YEATS2: variants seen among roughly 807,000 people sequenced by gnomAD.
The protein encoded by YEATS2 is YEATS domain-containing protein 2.
Under a neutral mutation model 163.2 loss-of-function variants are expected in YEATS2, and 77 were observed. The ratio of observed to expected loss-of-function variants is 0.47; its 90% confidence interval spans 0.39 to 0.57. The LOEUF (loss-of-function observed/expected upper bound fraction) is 0.57. YEATS2 is among the 20% of genes least tolerant of loss of function. The pLI is 0.00. For synonymous variants in YEATS2, 631 were observed against 645.1 expected, an observed-to-expected ratio of 0.98 and a Z score of 0.33; for missense variants, 1,549 against 1,729.8, an observed-to-expected ratio of 0.90 and a Z score of 1.85.
chr3:183,720,988 A>C (rs979496864), intron 4 of YEATS2, among the ~76,000 whole-genome samples: 1 of 152,144 alleles, frequency 6.6e-6, no homozygotes, highest in East Asian at 1.9e-4. Context: ...GGAGGACTTC[A>C]TTGACTTCAC....
At position 183,786,128 on chromosome 3, in the gene YEATS2, G is replaced by A; in HGVS notation, c.2740G>A (p.Ala914Thr). 1 of 1,611,976 alleles carries A rather than the reference G, an allele frequency of 6.2e-7. No homozygotes were observed. Among genetic ancestry groups the A allele is most frequent in the Non-Finnish European group, 8.5e-7 (1 of 1,178,256 alleles). The change falls in exon 20 of 31, where the codon GCC becomes ACC. Residue 914 changes from alanine (A) to threonine (T), a missense_variant. Ala to Thr is a moderately conservative substitution (Grantham distance 58, BLOSUM62 0). Coordinates refer to ENST00000305135, the MANE Select transcript of YEATS2 (RefSeq NM_018023.5). ...TCTGCCCATCTTGTTTCTGCAGGCA[G>A]CCCATGGAGGACAGGCATCTCTAAT... ...GQKTTLFTQA[A>T]HGGQASLMKI...
chr3:183,704,150 CAAA>C (rs58466117), intron 1 of YEATS2, among the ~76,000 whole-genome samples: 1 of 95,424 alleles, frequency 1.0e-5, no homozygotes. Flanking sequence ...GACTCCATCT[CAAA>C]AAAAAAAAAA....
At chr3:183,714,432 G>T (rs1414793360) in intron 1 of YEATS2, among the ~76,000 whole-genome samples, 1 of 151,224 alleles carries the variant, frequency 6.6e-6, no homozygotes. Flanking sequence ...TCCTGACCTC[G>T]TGATCCGCCC....
intron 15 of YEATS2, among the ~76,000 whole-genome samples, chr3:183,764,749 G>A (rs897496549): frequency 2.6e-5 from 4 of 152,220 alleles, no homozygotes; most frequent in African/African-American, 9.6e-5. Flanking sequence ...AGAGGTTGCA[G>A]TGAGACGAGA....
intron 9 of YEATS2, among the ~76,000 whole-genome samples, chr3:183,748,794 C>T (rs951556601): frequency 1.3e-5 from 2 of 151,892 alleles, no homozygotes; most frequent in Admixed American, 6.6e-5. Flanking sequence ...GAGACAGTGT[C>T]TTACTATGTT....
chr3:183,706,036 CAA>C (rs397876299), intron 1 of YEATS2, among the ~76,000 whole-genome samples: 15 of 112,346 alleles, frequency 1.3e-4, no homozygotes, highest in Admixed American at 3.7e-4. Flanking sequence ...AAGACTGTTT[CAA>C]AAAAAAAAAA....
At chr3:183,799,478 T>C (rs1448125206) in intron 23 of YEATS2, among the ~76,000 whole-genome samples, 2 of 152,172 alleles carry the variant, frequency 1.3e-5, no homozygotes, top group Non-Finnish European at 2.9e-5. Context: ...CAGACTCAGC[T>C]TCCCCTTTGG....
At position 183,809,106 on chromosome 3, in the gene YEATS2, C is replaced by G; in HGVS notation, c.4096C>G (p.Gln1366Glu). 3 of 1,614,126 alleles carry G rather than the reference C, an allele frequency of 1.9e-6. No homozygotes were observed. Among genetic ancestry groups the G allele is most frequent in the Non-Finnish European group, 2.5e-6 (3 of 1,179,990 alleles). The change falls in exon 30 of 31, where the codon CAG becomes GAG. Residue 1366 changes from glutamine to glutamate, a missense_variant. Physicochemically the swap from Gln to Glu is conservative, Grantham distance 29. Coordinates refer to ENST00000305135, the MANE Select transcript of YEATS2 (RefSeq NM_018023.5). The part of the protein sequence containing the change: ...VEDMILKATE[Q>E]LVNDILRQAL... ...GCATCTTCCATTGTAGGCTACAGAA[C>G]AGCTGGTGAATGATATCCTGAGACA... is the stretch of plus-strand genomic sequence containing the variant.
chr3:183,736,895 A>G, intron 8 of YEATS2, 66 bp downstream of exon 8: 1 of 1,418,392 alleles, frequency 7.1e-7, no homozygotes, highest in Non-Finnish European at 9.7e-7. Flanking sequence ...TTGATCCTTG[A>G]ATAGCATGGC....
At chr3:183,741,571 C>T (rs1218515301) in intron 8 of YEATS2, among the ~76,000 whole-genome samples, 1 of 151,794 alleles carries the variant, frequency 6.6e-6, no homozygotes, top group East Asian at 2.0e-4. Flanking sequence ...CACTTGAGGC[C>T]AGGAGTTTGA....
At chr3:183,766,257 A>G (rs1721895320) in intron 15 of YEATS2, among the ~76,000 whole-genome samples, 1 of 152,196 alleles carries the variant, frequency 6.6e-6, no homozygotes, top group African/African-American at 2.4e-5. Context: ...TTGTAGAAGA[A>G]TTAGAGATTG....
Position 183,794,038 on chromosome 3 carries a change from A to G in YEATS2, c.3097+3058A>G, listed in dbSNP as rs533691155. Among the ~76,000 whole-genome samples the G allele has an allele frequency of 1.5e-4, 23 of 152,332 alleles. No homozygotes were observed. The South Asian group carries it at 4.8e-3, about 32-fold the overall frequency. The stretch of plus-strand genomic sequence containing the variant: ...CATTGGGACAGAAGCTGCGTGAGCA[A>G]CGGAGAGAGCATAAGGAGATTCTGT... On this transcript the variant is annotated intron_variant, in intron 21 of 30. Coordinates refer to ENST00000305135, the MANE Select transcript of YEATS2 (RefSeq NM_018023.5).
At position 183,772,602 on chromosome 3, in the gene YEATS2, C is replaced by T. The variant is rs1173233304; in HGVS notation, c.2206+39C>T. 4 of 1,606,670 alleles carry T rather than the reference C, an allele frequency of 2.5e-6. No individual in the cohort carries two copies. The East Asian group carries it at 6.7e-5, about 27-fold the overall frequency. On this transcript the variant is annotated intron_variant, in intron 16 of 30. Transcript: ENST00000305135. ...TCACTGGGAGCCCTTTCAGCAGAAG[C>T]TCTGTCCAAAATTTCCTTTGCTAGT... is the stretch of plus-strand genomic sequence containing the variant.
intron 1 of YEATS2, among the ~76,000 whole-genome samples, chr3:183,713,856 C>T (rs933445245): frequency 2.6e-5 from 4 of 152,124 alleles, no homozygotes; most frequent in Non-Finnish European, 4.4e-5. Context: ...CCCACACTGG[C>T]GTGCAGTGGC....
intron 15 of YEATS2, among the ~76,000 whole-genome samples, chr3:183,769,371 G>A (rs1424097271): frequency 6.6e-6 from 1 of 152,190 alleles, no homozygotes; most frequent in Non-Finnish European, 1.5e-5. Context: ...CTGTCCTTTG[G>A]CTGTCCTTTG....
chr3:183,730,617 C>G (rs1717686669), intron 7 of YEATS2, among the ~76,000 whole-genome samples: 1 of 152,226 alleles, frequency 6.6e-6, no homozygotes, highest in Middle Eastern at 3.4e-3. Flanking sequence ...GACCACCTTT[C>G]CCTGCCAAGG....
At chr3:183,737,660 AC>A (rs1718487871) in intron 8 of YEATS2, among the ~76,000 whole-genome samples, 1 of 152,378 alleles carries the variant, frequency 6.6e-6, no homozygotes, top group South Asian at 2.1e-4. Context: ...ATGATAAAGT[AC>A]TATACAAGAT....
Position 183,803,501 on chromosome 3 carries a change from G to C in YEATS2, c.3582+166G>C, listed in dbSNP as rs140358067. ...ACCTGTATCCAGCTGACTTTCAGGC[G>C]TGCCTTCTTTTCCTGCACTGGCAGA... On this transcript the variant is annotated intron_variant, in intron 26 of 30. Transcript: ENST00000305135. The C allele has an allele frequency of 6.3e-3, 4,336 of 690,054 alleles. 292 individuals are homozygous for C. The Admixed American group carries it at 0.12, about 19-fold the overall frequency. 42.7% of individuals were successfully genotyped at this position (690,054 alleles called of 1,614,324 possible).
At chr3:183,726,145 C>T (rs891548286) in intron 6 of YEATS2, among the ~76,000 whole-genome samples, 6 of 151,624 alleles carry the variant, frequency 4.0e-5, no homozygotes, top group South Asian at 2.1e-4. Flanking sequence ...GGAGTCTCTG[C>T]GTTAGTGTGT....
Sources: gnomAD v4.1 joint callset for allele counts (sites outside exome capture counted in the v4.1 genomes callset) on GRCh38, gnomAD v4.1.1 for gene constraint, MANE v1.5 for transcripts, NCBI Gene and HGNC (gene_info 2026-07-23, HGNC 2026-07-21) for gene names.